Variants in ZNG1E observed in about 807,000 individuals in gnomAD.
ZNG1E encodes Zn regulated GTPase metalloprotein activator 1E.
At chr9:65,698,874 A>T in the ZNG1E span, among the ~76,000 whole-genome samples, 4 of 138,040 alleles carry the variant, frequency 2.9e-5, no homozygotes, top group Admixed American at 7.4e-5. Context: ...AAGATTTTTT[A>T]TATATATATA....
chr9:65,699,074 A>AT, the ZNG1E span, among the ~76,000 whole-genome samples: 1 of 148,042 alleles, frequency 6.8e-6, no homozygotes, highest in Non-Finnish European at 1.5e-5. Flanking sequence ...TTTTTATTTT[A>AT]TTTATTTTAT....
the ZNG1E span, among the ~76,000 whole-genome samples, chr9:65,685,043 T>TTAAAA: frequency 1.9e-5 from 2 of 107,700 alleles, no homozygotes; most frequent in African/African-American, 7.2e-5. Context: ...CCCCATTTCT[T>TTAAAA]AAAAAAAAAA....
chr9:65,674,987 G>A, the ZNG1E span, among the ~76,000 whole-genome samples: 6 of 146,796 alleles, frequency 4.1e-5, no homozygotes, highest in South Asian at 1.1e-3. Flanking sequence ...CAAGCCTCAG[G>A]AGTTTATATA....
chr9:65,657,699 A>G, the ZNG1E span, among the ~76,000 whole-genome samples: 15 of 152,356 alleles, frequency 9.8e-5, no homozygotes, highest in South Asian at 2.1e-4. Context: ...TACATTTAAA[A>G]TAACTAAAAG....
chr9:65,699,216 G>A, the ZNG1E span, among the ~76,000 whole-genome samples: 29 of 148,514 alleles, frequency 2.0e-4, no homozygotes, highest in East Asian at 1.2e-3. Context: ...AATCCACTGC[G>A]CCTGGCTGAA....
chr9:65,684,911 C>T, the ZNG1E span, among the ~76,000 whole-genome samples: 45 of 152,202 alleles, frequency 3.0e-4, no homozygotes, highest in South Asian at 3.9e-3. Flanking sequence ...GCGTTTTGGC[C>T]GGGTGTGATG....
the ZNG1E span, among the ~76,000 whole-genome samples, chr9:65,661,984 CAT>C: frequency 7.9e-5 from 12 of 152,266 alleles, no homozygotes; most frequent in Non-Finnish European, 1.0e-4. Context: ...AAGACATTTA[CAT>C]AGTTTCAAAG....
At chr9:65,667,437 A>T in the ZNG1E span, among the ~76,000 whole-genome samples, 35 of 152,254 alleles carry the variant, frequency 2.3e-4, no homozygotes, top group Non-Finnish European at 4.4e-4. Context: ...AATATATTGA[A>T]TTTGATATTT....
At chr9:65,685,043 TAAAAAA>T in the ZNG1E span, among the ~76,000 whole-genome samples, 45 of 107,682 alleles carry the variant, frequency 4.2e-4, no homozygotes, top group South Asian at 1.3e-3. Flanking sequence ...CCCCATTTCT[TAAAAAA>T]AAAAAAAAAA....
the ZNG1E span, among the ~76,000 whole-genome samples, chr9:65,662,965 G>T: frequency 6.6e-4 from 100 of 150,842 alleles, no homozygotes; most frequent in African/African-American, 2.3e-3. Flanking sequence ...AGAATTCAAA[G>T]TCTGATTCTG....
At chr9:65,716,581 A>T in the ZNG1E span, among the ~76,000 whole-genome samples, 118 of 149,456 alleles carry the variant, frequency 7.9e-4, no homozygotes, top group African/African-American at 2.9e-3. Context: ...TACCTACAGT[A>T]ACCTGTGAGG....
At chr9:65,662,563 A>T in the ZNG1E span, among the ~76,000 whole-genome samples, 1 of 151,936 alleles carries the variant, frequency 6.6e-6, no homozygotes, top group South Asian at 2.1e-4. Flanking sequence ...TTTCAAAATG[A>T]GTTAGAAAAT....
the ZNG1E span, chr9:65,681,474 A>G: frequency 1.3e-6 from 2 of 1,590,874 alleles, no homozygotes; most frequent in Non-Finnish European, 1.7e-6. Context: ...TATAAAATGC[A>G]GTTTCTGCTT....
At chr9:65,656,008 C>A in the ZNG1E span, among the ~76,000 whole-genome samples, 46 of 137,708 alleles carry the variant, frequency 3.3e-4, no homozygotes, top group Non-Finnish European at 5.6e-4. Context: ...GTTTCCCTTA[C>A]AGTTGACAAG....
At chr9:65,691,120 C>A in the ZNG1E span, 48 of 1,545,824 alleles carry the variant, frequency 3.1e-5, no homozygotes, top group South Asian at 5.5e-4. Flanking sequence ...GTTGCCCAGA[C>A]TGGAGTGCAT....
chr9:65,687,489 C>T, the ZNG1E span, among the ~76,000 whole-genome samples: 21 of 152,260 alleles, frequency 1.4e-4, no homozygotes. Context: ...ATTTATCAGT[C>T]ACACTTTTTT....
chr9:65,709,356 TTTATTA>T, the ZNG1E span, among the ~76,000 whole-genome samples: 1 of 151,240 alleles, frequency 6.6e-6, no homozygotes, highest in Non-Finnish European at 1.5e-5. Context: ...AATTTATTTA[TTTATTA>T]TTATTATACT....
the ZNG1E span, chr9:65,704,470 C>G: frequency 1.9e-6 from 1 of 535,110 alleles, no homozygotes. Flanking sequence ...ATAGTACTTC[C>G]TTGCTATGAG....
the ZNG1E span, among the ~76,000 whole-genome samples, chr9:65,685,238 G>A: frequency 1.3e-5 from 2 of 152,270 alleles, no homozygotes; most frequent in East Asian, 3.8e-4. Flanking sequence ...ATGTTGATGG[G>A]TGCTGACCAA....
Sources: allele counts gnomAD v4.1 joint callset (sites outside exome capture counted in the v4.1 genomes callset), GRCh38; gene constraint gnomAD v4.1.1; transcripts MANE v1.5; gene names NCBI Gene and HGNC (gene_info 2026-07-23, HGNC 2026-07-21).